The following RIT2 variants were observed in gnomAD, a reference collection of about 807,000 sequenced individuals.
The protein encoded by RIT2 is Ras like without CAAX 2, also known as GTP-binding protein Rit2.
In RIT2, 24 loss-of-function variants were observed where a neutral mutation model predicts 23.7. The observed-to-expected ratio is 1.01, with a 90% confidence interval of 0.73 to 1.43. RIT2 has a LOEUF of 1.43. RIT2 is among the 40% of genes most tolerant of loss of function. RIT2 has a pLI of 0.00. For synonymous variants in RIT2, 107 were observed against 91.1 expected, an observed-to-expected ratio of 1.17 and a Z score of -0.99; for missense variants, 236 against 266.9, an observed-to-expected ratio of 0.88 and a Z score of 0.81.
chr18:43,026,624 GAAAGAA>G (rs1568059905), intron 2 of RIT2, among the ~76,000 whole-genome samples: 11 of 140,396 alleles, frequency 7.8e-5, no homozygotes, highest in South Asian at 2.5e-4. Flanking sequence ...AAGAAAGAAA[GAAAGAA>G]AGAAAGAGAG....
At chr18:42,827,917 A>T (rs1325062315) in intron 4 of RIT2, among the ~76,000 whole-genome samples, 1 of 145,992 alleles carries the variant, frequency 6.8e-6, no homozygotes, top group Non-Finnish European at 1.5e-5. Context: ...AGGCAGGAGA[A>T]TGGTGCGAAC....
At chr18:42,896,124 C>T (rs1257325776) in intron 4 of RIT2, among the ~76,000 whole-genome samples, 2 of 152,032 alleles carry the variant, frequency 1.3e-5, no homozygotes, top group African/African-American at 2.4e-5. Flanking sequence ...ATTAGCTAGG[C>T]GTGGTGGCAA....
intron 1 of RIT2, among the ~76,000 whole-genome samples, chr18:43,040,415 G>A (rs559351668): frequency 6.6e-6 from 1 of 152,242 alleles, no homozygotes; most frequent in East Asian, 1.9e-4. Flanking sequence ...TTTCACTTAT[G>A]TCAAATGCAA....
intron 3 of RIT2, among the ~76,000 whole-genome samples, chr18:42,957,213 G>T (rs1220650212): frequency 6.6e-5 from 10 of 152,088 alleles, no homozygotes; most frequent in Admixed American, 6.6e-5. Flanking sequence ...GCCAAATGGA[G>T]TTATATTTTT....
intron 2 of RIT2, among the ~76,000 whole-genome samples, chr18:42,977,497 C>G (rs556615195): frequency 1.3e-5 from 2 of 151,930 alleles, no homozygotes; most frequent in Admixed American, 6.6e-5. Context: ...TTTCAGAAAC[C>G]GTTGCTGTAG....
chr18:42,750,270 GT>G (rs1183743658), intron 4 of RIT2, among the ~76,000 whole-genome samples: 1 of 151,710 alleles, frequency 6.6e-6, no homozygotes. Context: ...AAAAACTATT[GT>G]TTAGTGTTAG....
At chr18:42,933,118 C>G (rs557153404) in intron 3 of RIT2, among the ~76,000 whole-genome samples, 9 of 151,980 alleles carry the variant, frequency 5.9e-5, no homozygotes, top group Non-Finnish European at 1.0e-4. Context: ...TAAATTGCTG[C>G]CATTTGAACA....
intron 1 of RIT2, among the ~76,000 whole-genome samples, chr18:43,112,834 A>T (rs78331789): frequency 1.3e-5 from 2 of 152,188 alleles, no homozygotes; most frequent in African/African-American, 4.8e-5. Context: ...TTTTTAATTC[A>T]TGTTTAAGGC....
chr18:42,903,391 T>A (rs1908528437), intron 4 of RIT2, among the ~76,000 whole-genome samples: 1 of 152,074 alleles, frequency 6.6e-6, no homozygotes, highest in Non-Finnish European at 1.5e-5. Context: ...CAAAGCAATT[T>A]TCCATTTTAA....
At chr18:42,775,396 A>T (rs1418098853) in intron 4 of RIT2, among the ~76,000 whole-genome samples, 1 of 152,170 alleles carries the variant, frequency 6.6e-6, no homozygotes, top group Non-Finnish European at 1.5e-5. Context: ...TAGGTACCAC[A>T]TTAATAAATG....
intron 1 of RIT2, among the ~76,000 whole-genome samples, chr18:43,085,968 G>C (rs543629287): frequency 1.3e-5 from 2 of 152,204 alleles, no homozygotes; most frequent in Non-Finnish European, 1.5e-5. Flanking sequence ...CCATGATTAA[G>C]AGACCTCCCA....
intron 4 of RIT2, among the ~76,000 whole-genome samples, chr18:42,808,528 A>G (rs1326981203): frequency 6.6e-6 from 1 of 152,176 alleles, no homozygotes; most frequent in East Asian, 1.9e-4. Context: ...AAAATTAAAC[A>G]AACTTAAGTA....
chr18:42,780,047 G>GTTTTTTTTTTTTTTTT (rs71175923), intron 4 of RIT2, among the ~76,000 whole-genome samples: 1 of 59,596 alleles, frequency 1.7e-5, no homozygotes, highest in African/African-American at 5.9e-5. Context: ...CAATTTAGAG[G>GTTTTTTTTTTTTTTTT]TTTTTTTTTT....
At chr18:42,778,280 A>G (rs1913721873) in intron 4 of RIT2, among the ~76,000 whole-genome samples, 1 of 152,210 alleles carries the variant, frequency 6.6e-6, no homozygotes, top group Non-Finnish European at 1.5e-5. Flanking sequence ...CTTTACAGAA[A>G]ATGTGGCAGC....
intron 3 of RIT2, among the ~76,000 whole-genome samples, chr18:42,936,379 C>T (rs894418631): frequency 6.6e-6 from 1 of 152,170 alleles, no homozygotes; most frequent in Non-Finnish European, 1.5e-5. Flanking sequence ...AGAACCCAAA[C>T]TTTCATCACA....
intron 1 of RIT2, among the ~76,000 whole-genome samples, chr18:43,105,025 C>T (rs1362933117): frequency 6.6e-6 from 1 of 151,922 alleles, no homozygotes; most frequent in Non-Finnish European, 1.5e-5. Flanking sequence ...AAAGCCATAG[C>T]CCCTCTAATC....
chr18:42,781,379 TAAG>T (rs1913807644), intron 4 of RIT2, among the ~76,000 whole-genome samples: 1 of 152,174 alleles, frequency 6.6e-6, no homozygotes, highest in Non-Finnish European at 1.5e-5. Flanking sequence ...TTCATAATGC[TAAG>T]AAGAACAGAT....
intron 1 of RIT2, among the ~76,000 whole-genome samples, chr18:43,046,776 T>A (rs1912258165): frequency 6.6e-6 from 1 of 152,196 alleles, no homozygotes; most frequent in African/African-American, 2.4e-5. Context: ...CAAAACAACA[T>A]ACTTTAGTAT....
At chr18:42,797,032 AG>A (rs551291608) in intron 4 of RIT2, among the ~76,000 whole-genome samples, 8 of 152,186 alleles carry the variant, frequency 5.3e-5, no homozygotes, top group Non-Finnish European at 1.2e-4. Flanking sequence ...ATTGGTAACA[AG>A]GAATAAGAAC....
Sources: gnomAD v4.1 joint callset for allele counts (sites outside exome capture counted in the v4.1 genomes callset) on GRCh38, gnomAD v4.1.1 for gene constraint, MANE v1.5 for transcripts, NCBI Gene and HGNC (gene_info 2026-07-23, HGNC 2026-07-21) for gene names.